Variants in FNDC3A observed in about 807,000 individuals in gnomAD.
FNDC3A encodes the protein fibronectin type-III domain-containing protein 3A.
FNDC3A carries 32 observed loss-of-function variants against 148.9 expected under a neutral mutation model. The ratio of observed to expected loss-of-function variants is 0.21; its 90% confidence interval spans 0.16 to 0.29. The LOEUF is 0.29. FNDC3A is among the 10% of genes least tolerant of loss of function. The pLI, the probability that FNDC3A is intolerant of heterozygous loss-of-function variation, is 1.00. For missense variants in FNDC3A, 1,191 were observed against 1,452.8 expected, an observed-to-expected ratio of 0.82 and a Z score of 2.93; for synonymous variants, 472 against 473.6, an observed-to-expected ratio of 1.00 and a Z score of 0.04.
rs539661562 is a variant in FNDC3A, at chr13:49,127,354, C to T, written c.253-3783C>T. 7.4e-4 allele frequency among the ~76,000 whole-genome samples: 112 copies of T among 152,196 alleles called. 1 individual carries two copies. The highest frequency in any genetic ancestry group is 1.4e-3 in the Non-Finnish European group (96 of 68,036). ...CCTATTTCTGTATTCCCCTTTGCAG[C>T]AGAACATTTTAAAATTGTGCAGTTA... On this transcript the variant is annotated intron_variant, in intron 4 of 25. Transcript: ENST00000492622.
At chr13:49,039,560 G>A (rs143252003) in intron 2 of FNDC3A, among the ~76,000 whole-genome samples, 20 of 152,154 alleles carry the variant, frequency 1.3e-4, no homozygotes, top group East Asian at 9.7e-4. Flanking sequence ...CCAAGCCATC[G>A]TATCTTTTTT....
chr13:49,177,644 A>G (rs186054079), intron 13 of FNDC3A, among the ~76,000 whole-genome samples: 3 of 152,214 alleles, frequency 2.0e-5, no homozygotes, highest in African/African-American at 2.4e-5. Context: ...ATGTCCATCA[A>G]CAGATAGATG....
intron 19 of FNDC3A, 69 bp downstream of exon 19, chr13:49,191,453 C>A: frequency 7.7e-7 from 1 of 1,302,312 alleles, no homozygotes; most frequent in Non-Finnish European, 1.0e-6. Context: ...CATATATCAT[C>A]ATATCCATTA....
chr13:49,085,113 T>C (rs1323158600), intron 3 of FNDC3A, among the ~76,000 whole-genome samples: 1 of 152,206 alleles, frequency 6.6e-6, no homozygotes, highest in Non-Finnish European at 1.5e-5. Context: ...CTTTCTGTGC[T>C]GTGGGATCGT....
At chr13:49,040,677 T>G (rs1041832425) in intron 2 of FNDC3A, among the ~76,000 whole-genome samples, 1 of 152,368 alleles carries the variant, frequency 6.6e-6, no homozygotes, top group Middle Eastern at 3.4e-3. Context: ...TTGAAGGATT[T>G]AGTTTTTAAA....
chr13:49,034,899 A>G (rs1440455582), intron 2 of FNDC3A, among the ~76,000 whole-genome samples: 1 of 152,014 alleles, frequency 6.6e-6, no homozygotes, highest in Non-Finnish European at 1.5e-5. Flanking sequence ...ACAATAAAGT[A>G]AAACACAACT....
intron 2 of FNDC3A, among the ~76,000 whole-genome samples, chr13:49,060,324 A>G (rs961615987): frequency 3.3e-5 from 5 of 152,216 alleles, no homozygotes; most frequent in African/African-American, 9.6e-5. Context: ...ATATATTCAT[A>G]CAATGGAATG....
intron 8 of FNDC3A, among the ~76,000 whole-genome samples, chr13:49,149,201 T>G (rs764422483): frequency 6.6e-6 from 1 of 152,070 alleles, no homozygotes; most frequent in Non-Finnish European, 1.5e-5. Flanking sequence ...TTTTATTCCT[T>G]TCTCTTGGCT....
At chr13:49,077,138 G>T (rs1219454538) in intron 3 of FNDC3A, among the ~76,000 whole-genome samples, 1 of 152,180 alleles carries the variant, frequency 6.6e-6, no homozygotes, top group Admixed American at 6.5e-5. Context: ...ATTAGGCATA[G>T]TGGCGCACGC....
At chr13:49,183,834 CAT>C (rs1885428113) in intron 14 of FNDC3A, among the ~76,000 whole-genome samples, 1 of 152,294 alleles carries the variant, frequency 6.6e-6, no homozygotes, top group African/African-American at 2.4e-5. Context: ...TAGATTTACT[CAT>C]ATCCTTGTGT....
At chr13:49,193,633 A>G (rs1224302618) in intron 19 of FNDC3A, among the ~76,000 whole-genome samples, 7 of 152,188 alleles carry the variant, frequency 4.6e-5, no homozygotes, top group South Asian at 2.1e-4. Flanking sequence ...ATTAAATGAC[A>G]TATTGGCCAG....
At chr13:49,117,691 A>G (rs139251624) in intron 4 of FNDC3A, among the ~76,000 whole-genome samples, 14 of 152,352 alleles carry the variant, frequency 9.2e-5, no homozygotes, top group African/African-American at 2.9e-4. Context: ...CAGCATTTAC[A>G]TTATATTAGG....
intron 1 of FNDC3A, among the ~76,000 whole-genome samples, chr13:48,998,951 C>T (rs1952074938): frequency 6.6e-6 from 1 of 152,184 alleles, no homozygotes. Flanking sequence ...CATGCATGAT[C>T]ATTTCAGAAA....
chr13:49,129,320 A>G (rs1039462573), intron 4 of FNDC3A, among the ~76,000 whole-genome samples: 6 of 152,216 alleles, frequency 3.9e-5, no homozygotes. Flanking sequence ...TACCAGCCTG[A>G]CTGCAGTTAA....
chr13:49,149,130 A>T (rs962556038), intron 8 of FNDC3A, among the ~76,000 whole-genome samples: 5 of 150,804 alleles, frequency 3.3e-5, no homozygotes, highest in Non-Finnish European at 5.9e-5. Flanking sequence ...TCTACATGTA[A>T]GATCATGTCA....
chr13:49,079,584 T>A (rs1293880638), intron 3 of FNDC3A, among the ~76,000 whole-genome samples: 1 of 152,216 alleles, frequency 6.6e-6, no homozygotes, highest in African/African-American at 2.4e-5. Flanking sequence ...CTTATTTGAA[T>A]AACCACAAAG....
In FNDC3A at chr13:49,208,674, G is replaced by A. The variant is rs886801999; in HGVS notation, c.*1279G>A. On this transcript the variant is annotated 3_prime_UTR_variant, in exon 26 of 26. Transcript: ENST00000492622. The stretch of plus-strand genomic sequence containing the variant: ...ACATTGTACATCTTGCCTAGATGTC[G>A]ATGACTGCAAGTAATAATACAGTTT... 28 of 152,686 alleles carry A rather than the reference G, an allele frequency of 1.8e-4. No homozygotes were observed. The highest frequency in any genetic ancestry group is 1.4e-3 in the Admixed American group (21 of 15,292). The allele number at this position is 152,686 out of a possible 1,614,324, so 9.5% of individuals were successfully genotyped here. A position where few individuals can be genotyped will look rare whatever the true frequency, so the allele number is the denominator to read the frequency against.
At chr13:49,013,995 CATT>C (rs1952431389) in intron 2 of FNDC3A, among the ~76,000 whole-genome samples, 1 of 147,864 alleles carries the variant, frequency 6.8e-6, no homozygotes, top group South Asian at 2.2e-4. Context: ...TCCAGTCTAT[CATT>C]GTTGGACATT....
intron 8 of FNDC3A, among the ~76,000 whole-genome samples, chr13:49,147,286 G>T (rs1883049345): frequency 6.6e-6 from 1 of 152,136 alleles, no homozygotes; most frequent in Non-Finnish European, 1.5e-5. Flanking sequence ...GGAGCACGAG[G>T]GGGGCATTAG....
Sources: allele counts gnomAD v4.1 joint callset (sites outside exome capture counted in the v4.1 genomes callset), GRCh38; gene constraint gnomAD v4.1.1; transcripts MANE v1.5; gene names NCBI Gene and HGNC (gene_info 2026-07-23, HGNC 2026-07-21).